SBF2: variants seen among roughly 807,000 people sequenced by gnomAD.
SBF2 encodes the protein myotubularin-related protein 13.
A neutral mutation model predicts 225.2 loss-of-function variants in SBF2; 112 were observed. The ratio of observed to expected loss-of-function variants is 0.50; its 90% confidence interval spans 0.43 to 0.58. The LOEUF is 0.58. Ranked by LOEUF, SBF2 falls within the 20% of genes least tolerant of loss-of-function variation. The pLI is 0.00. For missense variants in SBF2, 1,996 were observed against 2,206.2 expected (o/e 0.90, Z 1.91); for synonymous variants, 763 against 773.3 (o/e 0.99, Z 0.22).
At chr11:9,805,027 C>T (rs566088196) in intron 32 of SBF2, among the ~76,000 whole-genome samples, 10 of 152,262 alleles carry the variant, frequency 6.6e-5, no homozygotes, top group Non-Finnish European at 1.2e-4. Context: ...GATAGATCAC[C>T]TGAGCTCAGG....
chr11:9,997,881 A>G (rs1028995156), intron 9 of SBF2, among the ~76,000 whole-genome samples: 3 of 152,236 alleles, frequency 2.0e-5, no homozygotes, highest in African/African-American at 7.2e-5. Flanking sequence ...TTTTGTAGGT[A>G]CCAAAGAGGA....
intron 32 of SBF2, among the ~76,000 whole-genome samples, chr11:9,799,941 CA>C (rs1448209388): frequency 2.0e-5 from 3 of 152,120 alleles, no homozygotes; most frequent in African/African-American, 7.2e-5. Context: ...TTGCCCATTT[CA>C]AAAATAAGCT....
rs748477865 is a variant in SBF2, at chr11:9,845,565, C to T, written c.3110G>A (p.Arg1037His). The T allele has an allele frequency of 2.5e-6, 4 of 1,612,782 alleles. No individual in the cohort carries two copies. The highest frequency in any genetic ancestry group is 2.2e-5 in the East Asian group (1 of 44,848). ...TTAACAGACTTGTCTTTCTTCTTAC[C>T]GAAAAGAAGTGTTCTTTTCCTTCTG... ...PKQKEKNTSF[R>H]TFSKTIVKGA... Residue 1037 changes from arginine (R) to histidine (H), a missense_variant and splice_region_variant, in exon 24 of 40, where the codon CGT (arginine) becomes CAT (histidine). Coordinates refer to ENST00000256190, the MANE Select transcript of SBF2 (RefSeq NM_030962.4).
chr11:10,028,402 T>C, intron 6 of SBF2, 50 bp downstream of exon 6: 6 of 1,154,360 alleles, frequency 5.2e-6, no homozygotes, highest in Non-Finnish European at 7.9e-6. Context: ...ATAAATCCTT[T>C]AATCATAGGC....
At chr11:10,228,405 T>C (rs1213885725) in intron 1 of SBF2, among the ~76,000 whole-genome samples, 1 of 152,226 alleles carries the variant, frequency 6.6e-6, no homozygotes, top group African/African-American at 2.4e-5. Flanking sequence ...GTGCCAGTTT[T>C]CAAAAGGAAT....
intron 14 of SBF2, 26 bp from the exon 15 acceptor site, chr11:9,963,908 C>T (rs1490982197): frequency 3.1e-6 from 4 of 1,300,436 alleles, no homozygotes; most frequent in South Asian, 1.2e-5. Context: ...AAAGAAAGCA[C>T]AAATAAATTA....
At chr11:10,076,108 CTG>C (rs926155144) in intron 2 of SBF2, among the ~76,000 whole-genome samples, 4 of 152,220 alleles carry the variant, frequency 2.6e-5, no homozygotes, top group African/African-American at 9.6e-5. Context: ...TGGTGGAAAA[CTG>C]TGAGTGAATC....
chr11:10,021,181 A>G (rs539021321), intron 6 of SBF2, among the ~76,000 whole-genome samples: 15 of 152,354 alleles, frequency 9.8e-5, no homozygotes, highest in African/African-American at 3.6e-4. Context: ...TACATTTTCT[A>G]AAACTAGTAC....
At chr11:10,230,785 A>G (rs1025213685) in intron 1 of SBF2, among the ~76,000 whole-genome samples, 4 of 152,088 alleles carry the variant, frequency 2.6e-5, no homozygotes, top group Admixed American at 6.6e-5. Flanking sequence ...ACAGTTATGT[A>G]TCTTGGAGTT....
At chr11:10,171,529 T>G (rs1471802924) in intron 2 of SBF2, among the ~76,000 whole-genome samples, 1 of 152,212 alleles carries the variant, frequency 6.6e-6, no homozygotes, top group Non-Finnish European at 1.5e-5. Context: ...TTTTGTTAAA[T>G]TTGGTTTGCT....
intron 2 of SBF2, among the ~76,000 whole-genome samples, chr11:10,094,069 G>C (rs189874919): frequency 4.6e-5 from 7 of 152,270 alleles, no homozygotes; most frequent in Admixed American, 4.6e-4. Flanking sequence ...GGTGGCTCAC[G>C]CCTATAATCC....
rs976046549 is a variant in SBF2 at position 10,060,825 on chromosome 11, G to A, written c.142-17844C>T. 7.9e-5 allele frequency among the ~76,000 whole-genome samples: 12 copies of A among 152,066 alleles called. No homozygotes were observed. The South Asian group carries it at 1.4e-3, about 18-fold the overall frequency. Reference sequence around the variant, plus strand: ...AGGAGGATCACGAGGTTAGGCGATCGAGACCATCCTGGCTAACACGGTTAA... The same window carrying A: ...AGGAGGATCACGAGGTTAGGCGATCAAGACCATCCTGGCTAACACGGTTAA... On this transcript the variant is annotated intron_variant, in intron 2 of 39. Coordinates refer to ENST00000256190, the MANE Select transcript of SBF2 (RefSeq NM_030962.4).
At chr11:10,250,214 T>C (rs1451581373) in intron 1 of SBF2, among the ~76,000 whole-genome samples, 1 of 152,228 alleles carries the variant, frequency 6.6e-6, no homozygotes, top group Admixed American at 6.5e-5. Flanking sequence ...TTAAACTAGC[T>C]GATACTAAAA....
chr11:10,285,269 G>A (rs1379440964), intron 1 of SBF2, among the ~76,000 whole-genome samples: 5 of 151,844 alleles, frequency 3.3e-5, no homozygotes, highest in Admixed American at 1.3e-4. Flanking sequence ...GTGATTGTGC[G>A]ACTGCCTTCC....
intron 36 of SBF2, among the ~76,000 whole-genome samples, chr11:9,786,595 T>C (rs1445848628): frequency 6.6e-6 from 1 of 152,166 alleles, no homozygotes; most frequent in African/African-American, 2.4e-5. Flanking sequence ...TGGCCTCTTC[T>C]TCCTGAACTG....
intron 1 of SBF2, among the ~76,000 whole-genome samples, chr11:10,242,795 AAAC>A (rs1489984922): frequency 6.6e-6 from 1 of 152,202 alleles, no homozygotes; most frequent in Non-Finnish European, 1.5e-5. Context: ...CAGGAAAATA[AAAC>A]AATTATATAT....
chr11:10,248,137 C>A (rs190249494), intron 1 of SBF2, among the ~76,000 whole-genome samples: 3 of 152,098 alleles, frequency 2.0e-5, no homozygotes, highest in Admixed American at 6.6e-5. Flanking sequence ...GTGAAATTAC[C>A]CATGCCCCCT....
chr11:10,082,428 G>A (rs1319038177), intron 2 of SBF2, among the ~76,000 whole-genome samples: 1 of 151,760 alleles, frequency 6.6e-6, no homozygotes, highest in African/African-American at 2.4e-5. Flanking sequence ...CAACAATGAC[G>A]ACAAAAAAGA....
Position 10,198,175 on chromosome 11 carries a change from C to T in SBF2, c.56-4188G>A, listed in dbSNP as rs572286258. Among the ~76,000 whole-genome samples, 270 of 152,300 alleles carry T rather than the reference C, an allele frequency of 1.8e-3. 1 individual carries two copies. Among genetic ancestry groups the T allele is most frequent in the African/African-American group, 6.3e-3 (261 of 41,568 alleles). ...CCAGATTCAATCAGAGGAATCACTA[C>T]CTATGGCAGCTACAGGCTTATGGAA... On this transcript the variant is annotated intron_variant, in intron 1 of 39. Transcript: ENST00000256190.
Sources: gnomAD v4.1 joint callset for allele counts (sites outside exome capture counted in the v4.1 genomes callset) on GRCh38, gnomAD v4.1.1 for gene constraint, MANE v1.5 for transcripts, NCBI Gene and HGNC (gene_info 2026-07-23, HGNC 2026-07-21) for gene names.